Variants in CREM observed in about 807,000 individuals in gnomAD.
CREM encodes cAMP-responsive element modulator.
CREM carries 13 observed loss-of-function variants against 37.3 expected under a neutral mutation model. The ratio of observed to expected loss-of-function variants is 0.35; its 90% CI spans 0.23 to 0.55. CREM has a LOEUF of 0.55. CREM is among the 20% of genes least tolerant of loss of function. The probability of loss-of-function intolerance (pLI) is 0.88; values close to 1 mark genes in which losing one functional copy is unlikely to be tolerated. For missense variants in CREM, 296 were observed against 362.3 expected (o/e 0.82, Z 1.49); for synonymous variants, 124 against 120.2 (o/e 1.03, Z -0.21).
intron 1 of CREM, among the ~76,000 whole-genome samples, chr10:35,136,633 C>G (rs1324954686): frequency 1.3e-5 from 2 of 152,022 alleles, no homozygotes; most frequent in African/African-American, 2.4e-5. Flanking sequence ...CAAATTTGAC[C>G]AGGATTATAT....
chr10:35,141,339 A>G (rs2091400620), intron 2 of CREM, among the ~76,000 whole-genome samples: 1 of 152,198 alleles, frequency 6.6e-6, no homozygotes, highest in African/African-American at 2.4e-5. Context: ...TTTAAGCAGA[A>G]ATACATGTTT....
rs780803926 is a variant in CREM at position 35,188,333 on chromosome 10, A to G, written c.543A>G (p.Gln181=). Reference sequence around the variant, plus strand: ...CTACAATTGTACAGTACGCAGCACAATCAGCTGATGGCACACAGCAGTTCT... The same window carrying G: ...CTACAATTGTACAGTACGCAGCACAGTCAGCTGATGGCACACAGCAGTTCT... ...PGATIVQYAA[Q]SADGTQQFFV... Residue 181 remains glutamine (Q), a synonymous_variant, in exon 6 of 8, where the codon CAA becomes CAG. Transcript: ENST00000685392. 1.7e-5 allele frequency: 27 copies of G among 1,613,820 alleles called. No homozygotes were observed. In the East Asian group the frequency reaches 2.2e-4, roughly 13 times the overall value.
intron 7 of CREM, among the ~76,000 whole-genome samples, chr10:35,208,091 G>T (rs778411683): frequency 6.6e-6 from 1 of 152,106 alleles, no homozygotes; most frequent in African/African-American, 2.4e-5. Flanking sequence ...TAAGTGAGGC[G>T]TTACTTTTCG....
At chr10:35,176,395 T>C (rs2094080096) in intron 3 of CREM, among the ~76,000 whole-genome samples, 3 of 151,570 alleles carry the variant, frequency 2.0e-5, no homozygotes, top group Non-Finnish European at 4.4e-5. Flanking sequence ...GATGCTGTTT[T>C]CTTTTTTTTT....
At chr10:35,181,058 G>A (rs1332021491) in intron 5 of CREM, among the ~76,000 whole-genome samples, 2 of 152,228 alleles carry the variant, frequency 1.3e-5, no homozygotes, top group Non-Finnish European at 2.9e-5. Flanking sequence ...TAGGACTTCT[G>A]ATAGAAGCAG....
In CREM at chr10:35,194,768, GT is replaced by G. The variant is rs1261698944; in HGVS notation, c.598+6386del. Among the ~76,000 whole-genome samples the G allele has an allele frequency of 1.1e-4, 17 of 150,402 alleles. No individual in the cohort carries two copies. In the South Asian group the frequency reaches 3.5e-3, roughly 31 times the overall value. Reference sequence around the variant, plus strand: ...TTTTTTTTTTTTTAAATCTCCAAGTGTTTTTTCTCTTATGAGTTAGGAAATT... The same window carrying G: ...TTTTTTTTTTTTTAAATCTCCAAGTGTTTTTCTCTTATGAGTTAGGAAATT... On this transcript the variant is annotated intron_variant, in intron 6 of 7. Coordinates refer to ENST00000685392, the MANE Select transcript of CREM (RefSeq NM_183011.2).
rs77716876 is a variant in CREM at position 35,136,585 on chromosome 10, T to C, written c.-54-1197T>C. Among the ~76,000 whole-genome samples, 1,051 of 152,240 alleles carry C rather than the reference T, an allele frequency of 6.9e-3. 14 individuals are homozygous for C. The highest frequency in any genetic ancestry group is 7.8e-3 in the Non-Finnish European group (531 of 68,006). On this transcript the variant is annotated intron_variant, in intron 1 of 7. Coordinates refer to ENST00000685392, the MANE Select transcript of CREM (RefSeq NM_183011.2). ...GTAGTAACCATCGCCTTAGTGCCCT[T>C]AGTGAGGTTTGATAAACCTGCCTGC...
intron 1 of CREM, among the ~76,000 whole-genome samples, chr10:35,128,885 C>G (rs1350028028): frequency 6.6e-6 from 1 of 152,078 alleles, no homozygotes; most frequent in Admixed American, 6.6e-5. Flanking sequence ...TCATAGTAGT[C>G]TTAAAGTCTT....
intron 3 of CREM, chr10:35,167,563 T>C: frequency 1.5e-6 from 1 of 654,518 alleles, no homozygotes; most frequent in Non-Finnish European, 2.7e-6. Flanking sequence ...GCTAGTCCAC[T>C]AGGTGCTAAT....
In CREM at chr10:35,170,967, G is replaced by T. The variant is rs543858261; in HGVS notation, c.169-7922G>T. On this transcript the variant is annotated intron_variant, in intron 3 of 7. Transcript: ENST00000685392. ...TTCTACCTCCAGATGCGTCATTTATGCAGGTTCTCAGCCTTTATTTTAGCA... is the reference window on the plus strand; with the variant it reads ...TTCTACCTCCAGATGCGTCATTTATTCAGGTTCTCAGCCTTTATTTTAGCA... Among the ~76,000 whole-genome samples the T allele has an allele frequency of 2.0e-5, 3 of 152,168 alleles. No individual in the cohort carries two copies. In the East Asian group the frequency reaches 5.8e-4, roughly 29 times the overall value.
At chr10:35,151,776 T>C (rs986315163) in intron 3 of CREM, among the ~76,000 whole-genome samples, 2 of 152,200 alleles carry the variant, frequency 1.3e-5, no homozygotes, top group African/African-American at 4.8e-5. Context: ...TGGATTATTT[T>C]AGTTAACTAA....
intron 5 of CREM, among the ~76,000 whole-genome samples, chr10:35,186,366 A>G (rs370733963): frequency 1.4e-4 from 22 of 152,188 alleles, no homozygotes; most frequent in Middle Eastern, 3.4e-3. Context: ...ACTTTTAAAC[A>G]TGACTGGCAG....
At chr10:35,151,076 A>G (rs1564822199) in intron 3 of CREM, among the ~76,000 whole-genome samples, 2 of 152,192 alleles carry the variant, frequency 1.3e-5, no homozygotes, top group African/African-American at 4.8e-5. Context: ...TCTTGAACTA[A>G]TAGAGAAAGA....
At chr10:35,167,749 A>T in intron 3 of CREM, 1 of 1,614,132 alleles carries the variant, frequency 6.2e-7, no homozygotes, top group Non-Finnish European at 8.5e-7. Flanking sequence ...AGCATAATCT[A>T]TGTTTCAGGC....
intron 3 of CREM, chr10:35,171,126 A>G (rs1293211597): frequency 1.4e-5 from 2 of 142,044 alleles, no homozygotes; most frequent in East Asian, 4.2e-4. Flanking sequence ...AGCGGGTACA[A>G]GTTCTTTTTC....
chr10:35,190,260 T>G (rs1227072446), intron 6 of CREM, among the ~76,000 whole-genome samples: 1 of 152,240 alleles, frequency 6.6e-6, no homozygotes, highest in Non-Finnish European at 1.5e-5. Context: ...TTTCTTCTAT[T>G]TGCTTTATGG....
chr10:35,130,006 A>T (rs1359403932), intron 1 of CREM, among the ~76,000 whole-genome samples: 1 of 151,930 alleles, frequency 6.6e-6, no homozygotes, highest in East Asian at 1.9e-4. Flanking sequence ...AGACCAGCCT[A>T]ACCAACATGA....
At chr10:35,137,976 G>A (rs1589276992) in intron 2 of CREM, 97 bp downstream of exon 2, 2 of 806,024 alleles carry the variant, frequency 2.5e-6, no homozygotes, top group East Asian at 6.3e-5. Context: ...ATACATGTAT[G>A]TATGTATATA....
At position 35,187,099 on chromosome 10, in the gene CREM, TGA is replaced by T. The variant is rs1456156644; in HGVS notation, c.410-1100_410-1099del. 8.1e-3 allele frequency among the ~76,000 whole-genome samples: 408 copies of T among 50,488 alleles called. 6 individuals are homozygous for T. The highest frequency in any genetic ancestry group is 0.025 in the African/African-American group (371 of 14,792). The allele number at this position is 50,488 out of a possible 152,430, so 33.1% of individuals were successfully genotyped here. The stretch of plus-strand genomic sequence containing the variant: ...TAATATATATAATATATAATATATA[TGA>T]TATATATTATATAAATATATAAATA... On this transcript the variant is annotated intron_variant, in intron 5 of 7. Coordinates refer to ENST00000685392, the MANE Select transcript of CREM (RefSeq NM_183011.2).
Sources: allele counts gnomAD v4.1 joint callset (sites outside exome capture counted in the v4.1 genomes callset), GRCh38; gene constraint gnomAD v4.1.1; transcripts MANE v1.5; gene names NCBI Gene and HGNC (gene_info 2026-07-23, HGNC 2026-07-21).